OGFOD3: variants seen among roughly 807,000 people sequenced by gnomAD.
The protein encoded by OGFOD3 is 2-oxoglutarate and iron dependent oxygenase domain containing 3, also known as 2-oxoglutarate and iron-dependent oxygenase domain-containing protein 3.
In OGFOD3, 35 loss-of-function variants were observed where a neutral mutation model predicts 39.8. The observed-to-expected ratio is 0.88, with a 90% CI of 0.67 to 1.17. The LOEUF (loss-of-function observed/expected upper bound fraction) is 1.17, where lower values mean the gene tolerates loss of function less well. Ranked by LOEUF, OGFOD3 falls within the 50% of genes most tolerant of loss-of-function variation. The pLI is 0.00. For synonymous variants in OGFOD3, 200 were observed against 192.0 expected (o/e 1.04, Z -0.34); for missense variants, 438 against 454.5 (o/e 0.96, Z 0.33).
At chr17:82,402,648 G>C (rs1390319659) in intron 7 of OGFOD3, among the ~76,000 whole-genome samples, 1 of 152,120 alleles carries the variant, frequency 6.6e-6, no homozygotes, top group Non-Finnish European at 1.5e-5. Context: ...TTGGGAGGCT[G>C]AGACAGGAGA....
chr17:82,394,710 G>A (rs1306311746), intron 8 of OGFOD3, among the ~76,000 whole-genome samples: 2 of 152,166 alleles, frequency 1.3e-5, no homozygotes, highest in Admixed American at 6.5e-5. Flanking sequence ...TGTTTACCAG[G>A]GACCTAGGGC....
At chr17:82,401,921 G>A (rs1184384418) in intron 7 of OGFOD3, among the ~76,000 whole-genome samples, 1 of 151,940 alleles carries the variant, frequency 6.6e-6, no homozygotes, top group Non-Finnish European at 1.5e-5. Context: ...CAGCGGGCAT[G>A]GTGGGGCAGC....
Position 82,406,532 on chromosome 17 carries a change from G to A in OGFOD3, c.424-50C>T. 6.8e-7 allele frequency: 1 copy of A among 1,477,778 alleles called. No individual in the cohort carries two copies. Among genetic ancestry groups the A allele is most frequent in the South Asian group, 1.1e-5 (1 of 88,214 alleles). 91.5% of individuals were successfully genotyped at this position (1,477,778 alleles called of 1,614,324 possible). A position where few individuals can be genotyped will look rare whatever the true frequency, so the allele number is the denominator to read the frequency against. ...GCGTGCAGCCGCAGCAATGGCAATG[G>A]CTGTTAAAAGTCATGGATGGTAAAT... On this transcript the variant is annotated intron_variant, in intron 4 of 8. Coordinates refer to ENST00000313056, the MANE Select transcript of OGFOD3 (RefSeq NM_024648.3). This position sits in a 1 kb window ranked among gnomAD's most constrained non-coding sequence, Gnocchi z 5.2.
chr17:82,409,226 G>T, intron 4 of OGFOD3, 142 bp downstream of exon 4: 1 of 765,830 alleles, frequency 1.3e-6, no homozygotes, highest in Non-Finnish European at 2.3e-6. Flanking sequence ...GCTGCGGCTG[G>T]TGCTGAGAAA....
Position 82,418,460 on chromosome 17 carries a change from G to T in OGFOD3, c.26C>A (p.Thr9Asn). The change falls in exon 1 of 9, where the codon ACC (threonine) becomes AAC (asparagine). Residue 9 changes from threonine (T) to asparagine (N), a missense_variant. Coordinates refer to ENST00000313056, the MANE Select transcript of OGFOD3 (RefSeq NM_024648.3). Reference protein sequence around the residue: MAPQRRAATKAPEGNGAAE... With the variant: MAPQRRAANKAPEGNGAAE... ...CGCTCCGTTGCCCTCGGGCGCCTTGGTTGCGGCCCTCCGCTGAGGAGCCAT... is the reference window on the plus strand; with the variant it reads ...CGCTCCGTTGCCCTCGGGCGCCTTGTTTGCGGCCCTCCGCTGAGGAGCCAT... The T allele has an allele frequency of 6.8e-7, 1 of 1,474,938 alleles. No individual in the cohort carries two copies. The highest frequency in any genetic ancestry group is 8.9e-7 in the Non-Finnish European group (1 of 1,118,828). The allele number at this position is 1,474,938 out of a possible 1,614,324, so 91.4% of individuals were successfully genotyped here. A position where few individuals can be genotyped will look rare whatever the true frequency, so the allele number is the denominator to read the frequency against.
intron 2 of OGFOD3, among the ~76,000 whole-genome samples, chr17:82,414,875 G>A (rs1351907395): frequency 2.0e-5 from 3 of 152,152 alleles, no homozygotes; most frequent in Non-Finnish European, 4.4e-5. Flanking sequence ...TGGCCGGCCC[G>A]GTCAGACCTG....
chr17:82,412,085 GA>G (rs1021104542), intron 2 of OGFOD3, among the ~76,000 whole-genome samples: 1 of 71,820 alleles, frequency 1.4e-5, no homozygotes, highest in Non-Finnish European at 2.9e-5. Flanking sequence ...CGCCAGAGAG[GA>G]AAACCCTCCT....
chr17:82,409,382 C>A lies in OGFOD3; in HGVS notation c.409G>T (p.Gly137Ter). The A allele has an allele frequency of 1.2e-6, 2 of 1,614,096 alleles. No homozygotes were observed. Among genetic ancestry groups the A allele is most frequent in the Non-Finnish European group, 1.7e-6 (2 of 1,179,972 alleles). ...ATTCAACTCACCCCTCCGTCAGATC[C>A]TCCCAGGGAGAGCCCCTTTTCAGCT... is the stretch of plus-strand genomic sequence containing the variant. ...SVAEKGLSLG[G>*]SDGGASILDL... Residue 137 changes from glycine (G) to a stop codon, truncating the protein, a stop_gained, in exon 4 of 9, where the codon GGA (glycine) becomes TGA (stop). Transcript: ENST00000313056. LOFTEE classifies it high-confidence loss of function.
chr17:82,394,360 C>T (rs779365356), intron 8 of OGFOD3: 3 of 1,575,902 alleles, frequency 1.9e-6, no homozygotes, highest in East Asian at 2.3e-5. Context: ...CTCAGCACGG[C>T]AACCAAGGAA....
intron 1 of OGFOD3, among the ~76,000 whole-genome samples, chr17:82,417,618 CAA>C (rs11413297): frequency 3.1e-5 from 4 of 127,568 alleles, no homozygotes; most frequent in Non-Finnish European, 3.2e-5. Flanking sequence ...GCCTCTGTCT[CAA>C]AAAAAAAAAA....
Position 82,392,388 on chromosome 17 carries a change from C to T in OGFOD3, c.*10G>A, listed in dbSNP as rs149581264. 4.0e-3 allele frequency: 6,439 copies of T among 1,608,068 alleles called. 23 individuals are homozygous for T. Among genetic ancestry groups the T allele is most frequent in the Middle Eastern group, 0.016 (79 of 5,004 alleles). ...GGGCCCTCCTGAAGTTACCTTGGCC[C>T]GGCTGCTGGCTACGGGAACGCTGGG... is the stretch of plus-strand genomic sequence containing the variant. On this transcript the variant is annotated 3_prime_UTR_variant, in exon 9 of 9. Coordinates refer to ENST00000313056, the MANE Select transcript of OGFOD3 (RefSeq NM_024648.3). The surrounding 1 kb of genome is among the most constrained non-coding windows in gnomAD (Gnocchi z 4.2).
At position 82,409,352 on chromosome 17, in the gene OGFOD3, ACTACATTCAACTCACCCCT is replaced by A. The variant is rs1213239229; in HGVS notation, c.420_423+15del. On this transcript the variant is annotated splice_donor_variant and splice_donor_5th_base_variant and coding_sequence_variant and intron_variant, in exon 4 of 9. Coordinates refer to ENST00000313056, the MANE Select transcript of OGFOD3 (RefSeq NM_024648.3). LOFTEE classifies it high-confidence loss of function. ...AACGGGTAAAAAAAGGGGGGCAGGG[ACTACATTCAACTCACCCCT>A]CCGTCAGATCCTCCCAGGGAGAGCC... 6.2e-7 allele frequency: 1 copy of A among 1,612,758 alleles called. No homozygotes were observed. Among genetic ancestry groups the A allele is most frequent in the African/African-American group, 1.3e-5 (1 of 74,914 alleles).
chr17:82,394,603 C>T (rs1316804644), intron 8 of OGFOD3: 2 of 1,354,498 alleles, frequency 1.5e-6, no homozygotes, highest in Non-Finnish European at 2.1e-6. Context: ...CTGGGCGGTG[C>T]ACACCCTACA....
intron 1 of OGFOD3, 49 bp downstream of exon 1, chr17:82,418,363 T>G (rs1247746789): frequency 3.7e-6 from 4 of 1,094,116 alleles, no homozygotes; most frequent in Non-Finnish European, 4.8e-6. Flanking sequence ...GCCCACTCCA[T>G]GGCCCTGTCC....
At chr17:82,418,369 T>A (rs1012273028) in intron 1 of OGFOD3, 43 bp downstream of exon 1, 2 of 1,251,550 alleles carry the variant, frequency 1.6e-6, no homozygotes, top group African/African-American at 1.6e-5. Context: ...TCCATGGCCC[T>A]GTCCGCCGCC....
In OGFOD3 at chr17:82,415,900, GAAAA is replaced by G. The variant is rs796179629; in HGVS notation, c.75-277_75-274del. ...AGAGACTCATGGGTTTTAAGCAAAAGAAAAAAAAAAAAAAAGCCAGACATGCTCC... is the reference window on the plus strand; with the variant it reads ...AGAGACTCATGGGTTTTAAGCAAAAGAAAAAAAAAAAGCCAGACATGCTCC... On this transcript the variant is annotated intron_variant, in intron 1 of 8. Coordinates refer to ENST00000313056, the MANE Select transcript of OGFOD3 (RefSeq NM_024648.3). This position sits in a 1 kb window ranked among gnomAD's most constrained non-coding sequence, Gnocchi z 5.3. Among the ~76,000 whole-genome samples, 1 of 104,222 alleles carries G rather than the reference GAAAA, an allele frequency of 9.6e-6. No individual in the cohort carries two copies. The highest frequency in any genetic ancestry group is 3.3e-4 in the South Asian group (1 of 3,056). 68.4% of individuals were successfully genotyped at this position (104,222 alleles called of 152,430 possible). A position where few individuals can be genotyped will look rare whatever the true frequency, so the allele number is the denominator to read the frequency against.
chr17:82,405,454 A>G, intron 5 of OGFOD3, 74 bp from the exon 6 acceptor site: 2 of 1,245,300 alleles, frequency 1.6e-6, no homozygotes, highest in Non-Finnish European at 1.2e-6. Context: ...CAGTTCAGCC[A>G]TTCCTCAAGT....
In OGFOD3 at chr17:82,396,333, TAG is replaced by T. The variant is rs1048503232; in HGVS notation, c.823+1861_823+1862del. On this transcript the variant is annotated intron_variant, in intron 8 of 8. Coordinates refer to ENST00000313056, the MANE Select transcript of OGFOD3 (RefSeq NM_024648.3). ...CGACATCAAATCACAGGTAAACACATAGATACACACAATTAGATGTACGACAT... is the reference window on the plus strand; with the variant it reads ...CGACATCAAATCACAGGTAAACACATATACACACAATTAGATGTACGACAT... Among the ~76,000 whole-genome samples the T allele has an allele frequency of 5.0e-3, 481 of 96,510 alleles. 28 individuals carry two copies. The highest frequency in any genetic ancestry group is 7.7e-3 in the Non-Finnish European group (282 of 36,730). The allele number at this position is 96,510 out of a possible 152,430, so 63.3% of individuals were successfully genotyped here.
chr17:82,403,801 A>C, intron 7 of OGFOD3, 136 bp downstream of exon 7: 1 of 1,010,724 alleles, frequency 9.9e-7, no homozygotes. Flanking sequence ...CTGCCCACGT[A>C]CGCACTCACC....
Sources: gnomAD v4.1 joint callset for allele counts (sites outside exome capture counted in the v4.1 genomes callset) on GRCh38, gnomAD v4.1.1 for gene constraint, Gnocchi (gnomAD v3.1) non-coding constraint, MANE v1.5 for transcripts, NCBI Gene and HGNC (gene_info 2026-07-23, HGNC 2026-07-21) for gene names.